The following CIMAP2 variants were observed in gnomAD, a reference collection of about 807,000 sequenced individuals.
CIMAP2 encodes the protein ciliary microtubule associated protein 2.
the CIMAP2 span, chr1:54,807,960 C>T: frequency 3.1e-6 from 5 of 1,607,768 alleles, no homozygotes; most frequent in African/African-American, 6.7e-5. Context: ...AACCATGTAG[C>T]ACCCGGGGGC....
At chr1:54,806,261 A>G in the CIMAP2 span, 1 of 1,461,628 alleles carries the variant, frequency 6.8e-7, no homozygotes, top group South Asian at 1.3e-5. Context: ...CCACGGTCCA[A>G]AGCAGCTGCT....
the CIMAP2 span, chr1:54,808,151 C>G: frequency 1.1e-6 from 1 of 880,808 alleles, no homozygotes; most frequent in Non-Finnish European, 1.6e-6. Flanking sequence ...ATACACTGTC[C>G]TAGACCTTGG....
the CIMAP2 span, among the ~76,000 whole-genome samples, chr1:54,836,021 G>A: frequency 6.6e-6 from 1 of 151,932 alleles, no homozygotes; most frequent in Non-Finnish European, 1.5e-5. Context: ...TGCTGTTTTG[G>A]TGAGATTTGG....
the CIMAP2 span, among the ~76,000 whole-genome samples, chr1:54,829,026 G>C: frequency 1.3e-5 from 2 of 152,198 alleles, no homozygotes; most frequent in African/African-American, 2.4e-5. Context: ...TGACATATGC[G>C]TAGAAAACAT....
the CIMAP2 span, among the ~76,000 whole-genome samples, chr1:54,817,371 G>C: frequency 1.1e-4 from 16 of 152,228 alleles, no homozygotes; most frequent in African/African-American, 3.9e-4. Flanking sequence ...CAAAAGAGCA[G>C]ATGTTTGAGG....
the CIMAP2 span, among the ~76,000 whole-genome samples, chr1:54,828,178 T>C: frequency 7.9e-4 from 120 of 152,356 alleles, no homozygotes; most frequent in Middle Eastern, 6.8e-3. Context: ...ATGATATGTG[T>C]GTTTACTAAA....
the CIMAP2 span, chr1:54,811,773 G>GCCTCCACCCCCCCCCCCCCCCCCCC: frequency 7.5e-7 from 1 of 1,325,052 alleles, no homozygotes; most frequent in East Asian, 2.5e-5. Flanking sequence ...CAGCCTCCAT[G>GCCTCCACCCCCCCCCCCCCCCCCCC]CCCCCACCCC....
the CIMAP2 span, chr1:54,814,795 C>T: frequency 6.9e-7 from 1 of 1,449,396 alleles, no homozygotes; most frequent in Non-Finnish European, 9.4e-7. Context: ...CCGTCCTTGG[C>T]TCAAGACCCA....
At chr1:54,817,163 T>C in the CIMAP2 span, 1 of 1,597,098 alleles carries the variant, frequency 6.3e-7, no homozygotes, top group Non-Finnish European at 8.6e-7. Flanking sequence ...GCGAGGGCGG[T>C]GGGGGGTCTT....
the CIMAP2 span, among the ~76,000 whole-genome samples, chr1:54,840,217 A>G: frequency 2.6e-5 from 4 of 152,186 alleles, no homozygotes; most frequent in East Asian, 1.9e-4. Flanking sequence ...AGAATGTCAT[A>G]TAAGTGGAAT....
At chr1:54,821,179 C>T in the CIMAP2 span, among the ~76,000 whole-genome samples, 9 of 148,942 alleles carry the variant, frequency 6.0e-5, no homozygotes, top group East Asian at 1.1e-3. Context: ...CTATTCTACA[C>T]GTTGTCTCTT....
chr1:54,811,766 C>CGGGGGGGGGGCGG, the CIMAP2 span: 4 of 1,305,182 alleles, frequency 3.1e-6, no homozygotes, highest in Non-Finnish European at 4.3e-6. Context: ...GTTCTGACAG[C>CGGGGGGGGGGCGG]CTCCATGCCC....
At chr1:54,820,008 T>TCTTC in the CIMAP2 span, among the ~76,000 whole-genome samples, 1 of 125,544 alleles carries the variant, frequency 8.0e-6, no homozygotes, top group Non-Finnish European at 1.7e-5. Flanking sequence ...TCTCCCTCTC[T>TCTTC]TTTCCTTCTT....
At chr1:54,811,253 T>TCAC in the CIMAP2 span, among the ~76,000 whole-genome samples, 1 of 152,146 alleles carries the variant, frequency 6.6e-6, no homozygotes, top group Admixed American at 6.6e-5. Context: ...AGCCCTCATG[T>TCAC]CACGCAGGGC....
At chr1:54,824,343 A>G in the CIMAP2 span, among the ~76,000 whole-genome samples, 1 of 151,894 alleles carries the variant, frequency 6.6e-6, no homozygotes, top group East Asian at 1.9e-4. Context: ...TTGACTTTTG[A>G]CAGTTTGACT....
the CIMAP2 span, chr1:54,816,911 C>G: frequency 6.1e-3 from 9,535 of 1,559,890 alleles, 295 homozygotes; most frequent in East Asian, 0.097. Context: ...AGGGAAGCGT[C>G]CAAGGGGAGG....
chr1:54,808,083 C>T, the CIMAP2 span: 1 of 1,439,996 alleles, frequency 6.9e-7, no homozygotes, highest in East Asian at 2.5e-5. Flanking sequence ...AATTCATTCA[C>T]TTACATATCC....
the CIMAP2 span, among the ~76,000 whole-genome samples, chr1:54,839,845 G>T: frequency 1.3e-5 from 2 of 152,040 alleles, no homozygotes; most frequent in East Asian, 3.9e-4. Flanking sequence ...TGACCTTCTG[G>T]GCTCGAGCAA....
At chr1:54,833,491 C>G in the CIMAP2 span, among the ~76,000 whole-genome samples, 1 of 152,310 alleles carries the variant, frequency 6.6e-6, no homozygotes, top group Non-Finnish European at 1.5e-5. Flanking sequence ...TTTCTCACCC[C>G]TCATCCCTAA....
Sources: allele counts gnomAD v4.1 joint callset (sites outside exome capture counted in the v4.1 genomes callset), GRCh38; gene constraint gnomAD v4.1.1; transcripts MANE v1.5; gene names NCBI Gene and HGNC (gene_info 2026-07-23, HGNC 2026-07-21).